DNAH17: variants seen among roughly 807,000 people sequenced by gnomAD.
The protein encoded by DNAH17 is dynein axonemal heavy chain 17.
In DNAH17, 376 loss-of-function variants were observed where a neutral mutation model predicts 485.6. The ratio of observed to expected loss-of-function variants is 0.77; its 90% CI spans 0.71 to 0.84. The LOEUF (loss-of-function observed/expected upper bound fraction) is 0.84, where lower values mean the gene tolerates loss of function less well. Among genes scored for constraint, DNAH17 ranks in the 40% least tolerant of loss-of-function variants. DNAH17 has a pLI of 0.00. For missense variants in DNAH17, 6,370 were observed against 5,839.3 expected (o/e 1.09, Z -2.96); for synonymous variants, 3,031 against 2,405.9 (o/e 1.26, Z -7.60).
chr17:78,499,944 A>C, intron 36 of DNAH17: 1 of 194,010 alleles, frequency 5.2e-6, no homozygotes. Context: ...CTCCCCTCCC[A>C]AACCCACCTG....
intron 27 of DNAH17, among the ~76,000 whole-genome samples, chr17:78,508,439 T>C (rs1190990400): frequency 1.3e-5 from 2 of 152,232 alleles, no homozygotes. Context: ...AGTACTTAAG[T>C]GTTCAACTCT....
chr17:78,486,234 A>C lies in DNAH17; in HGVS notation c.7091T>G (p.Phe2364Cys). 1 of 1,589,246 alleles carries C rather than the reference A, an allele frequency of 6.3e-7. No individual in the cohort carries two copies. Among genetic ancestry groups the C allele is most frequent in the Non-Finnish European group, 8.6e-7 (1 of 1,164,822 alleles). The change falls in exon 45 of 81, where the codon TTC becomes TGC. Residue 2364 changes from phenylalanine (F) to cysteine (C), a missense_variant. Physicochemically the swap from Phe to Cys is radical, Grantham distance 205. Coordinates refer to ENST00000389840, the MANE Select transcript of DNAH17 (RefSeq NM_173628.4). ...CCCCAGGTGCATCACCTGGTCCTGG[A>C]ACATGGCGCCACCGAAGGCCCAGAA... Reference protein sequence around the residue: ...TCFWAFGGAMFQDQLVDYRVE... With the variant: ...TCFWAFGGAMCQDQLVDYRVE...
intron 15 of DNAH17, among the ~76,000 whole-genome samples, chr17:78,551,853 C>T (rs766273194): frequency 2.2e-4 from 34 of 151,860 alleles, no homozygotes; most frequent in Non-Finnish European, 4.1e-4. Flanking sequence ...ATCCCAGCTA[C>T]TCGGGAGGCT....
intron 75 of DNAH17, among the ~76,000 whole-genome samples, chr17:78,431,399 C>T (rs572377277): frequency 1.4e-5 from 2 of 147,630 alleles, no homozygotes; most frequent in African/African-American, 2.5e-5. Context: ...TTGCTTCCCG[C>T]AGGGGGTGGG....
rs375968356 is a variant in DNAH17, at chr17:78,426,464, C to T, written c.12908G>A (p.Arg4303His). The T allele has an allele frequency of 3.9e-5, 63 of 1,599,636 alleles. No homozygotes were observed. The highest frequency in any genetic ancestry group is 1.7e-4 in the Middle Eastern group (1 of 5,994). ...LAAWYADLLLRIRELEAWTTD... is the reference protein window; with the variant it reads ...LAAWYADLLLHIRELEAWTTD... ...AGAGAAAACGGCACTTACCCTGATG[C>T]GGAGCAGCAGGTCTGCGTACCAGGC... Residue 4303 changes from arginine to histidine, a missense_variant, in exon 79 of 81, where the codon CGC becomes CAC. By Grantham distance (29) the Arg-to-His change is conservative. Transcript: ENST00000389840.
chr17:78,491,002 C>T (rs1434766921), intron 43 of DNAH17, among the ~76,000 whole-genome samples, 155 bp from the exon 44 acceptor site: 1 of 152,186 alleles, frequency 6.6e-6, no homozygotes, highest in Non-Finnish European at 1.5e-5. Context: ...GTCCCTTGGC[C>T]CAGGGCTTCT....
In DNAH17 at chr17:78,502,910, C is replaced by G; in HGVS notation, c.5058G>C (p.Gln1686His). The change falls in exon 32 of 81, where the codon CAG becomes CAC. Residue 1686 changes from glutamine to histidine, a missense_variant. Transcript: ENST00000389840. ...VVTYEEKPRE[Q>H]WILDYPAQVA... is the part of the protein sequence containing the mutation. Reference sequence around the variant, plus strand: ...CCTGGGCTGGGTAGTCCAGGATCCACTGCTCCCTCGGCTTCTCTTCGTAGG... The same window carrying G: ...CCTGGGCTGGGTAGTCCAGGATCCAGTGCTCCCTCGGCTTCTCTTCGTAGG... 6.2e-7 allele frequency: 1 copy of G among 1,614,024 alleles called. No individual in the cohort carries two copies. The highest frequency in any genetic ancestry group is 1.1e-5 in the South Asian group (1 of 91,078).
chr17:78,565,965 CA>C (rs113552234), intron 11 of DNAH17, among the ~76,000 whole-genome samples: 1 of 150,356 alleles, frequency 6.7e-6, no homozygotes, highest in South Asian at 2.1e-4. Flanking sequence ...AACAAACAAA[CA>C]ACAAAAACAA....
intron 16 of DNAH17, among the ~76,000 whole-genome samples, chr17:78,550,233 C>G (rs763496205): frequency 1.6e-5 from 2 of 128,814 alleles, no homozygotes; most frequent in African/African-American, 3.0e-5. Context: ...AGGAGGCACA[C>G]GTCTGGACAC....
rs1598485904 is a variant in DNAH17 at position 78,459,916 on chromosome 17, G to A, written c.9521C>T (p.Pro3174Leu). Residue 3174 changes from proline to leucine, a missense_variant, in exon 60 of 81, where the codon CCT becomes CTT. Physicochemically the swap from Pro to Leu is moderately conservative, Grantham distance 98 (BLOSUM62 -3). Coordinates refer to ENST00000389840, the MANE Select transcript of DNAH17 (RefSeq NM_173628.4). The stretch of plus-strand genomic sequence containing the variant: ...CTTGTCCTTGGGGATCTTGCCCCCA[G>A]GTGCGGTCAGAATCATGACGGCGGC... Reference protein sequence around the residue: ...VTAAVMILTAPGGKIPKDKSW... With the variant: ...VTAAVMILTALGGKIPKDKSW... 4 of 1,614,022 alleles carry A rather than the reference G, an allele frequency of 2.5e-6. No individual in the cohort carries two copies. The African/African-American group carries it at 4.0e-5, about 16-fold the overall frequency.
intron 26 of DNAH17, chr17:78,510,751 G>GGCCC (rs1555679580): frequency 1.1e-5 from 4 of 378,392 alleles, no homozygotes; most frequent in Non-Finnish European, 2.0e-5. Context: ...CGGAATTGCG[G>GGCCC]CCCCCCCGCA....
intron 20 of DNAH17, among the ~76,000 whole-genome samples, chr17:78,531,366 G>A (rs1389489723): frequency 1.4e-5 from 2 of 138,502 alleles, no homozygotes; most frequent in East Asian, 4.1e-4. Context: ...TTGAGATGGA[G>A]TCTTGCTCTG....
At chr17:78,554,257 T>G (rs1025332990) in intron 14 of DNAH17, among the ~76,000 whole-genome samples, 1 of 151,904 alleles carries the variant, frequency 6.6e-6, no homozygotes, top group Non-Finnish European at 1.5e-5. Context: ...CTGGCCAACA[T>G]GGTGAAATCT....
chr17:78,454,107 G>A (rs192857763), intron 64 of DNAH17, among the ~76,000 whole-genome samples: 30 of 152,272 alleles, frequency 2.0e-4, no homozygotes, highest in Admixed American at 4.6e-4. Context: ...GGGCATCACT[G>A]TACCTGTGTC....
At chr17:78,536,125 C>G (rs1415804673) in intron 19 of DNAH17, among the ~76,000 whole-genome samples, 1 of 151,974 alleles carries the variant, frequency 6.6e-6, no homozygotes, top group Non-Finnish European at 1.5e-5. Context: ...TGCCTGAGTA[C>G]TGGGAGAATC....
chr17:78,573,840 G>A (rs117881061), intron 2 of DNAH17, among the ~76,000 whole-genome samples: 14 of 152,180 alleles, frequency 9.2e-5, no homozygotes, highest in East Asian at 1.9e-4. Flanking sequence ...GTGTACAAGC[G>A]AAGCACACAG....
intron 26 of DNAH17, among the ~76,000 whole-genome samples, chr17:78,513,621 G>A (rs923623953): frequency 1.5e-4 from 23 of 151,980 alleles, no homozygotes; most frequent in African/African-American, 4.8e-4. Context: ...TTTTTAGCAG[G>A]GATGGGGTTT....
At chr17:78,565,982 A>C (rs1470025431) in intron 11 of DNAH17, among the ~76,000 whole-genome samples, 1 of 151,952 alleles carries the variant, frequency 6.6e-6, no homozygotes, top group Non-Finnish European at 1.5e-5. Flanking sequence ...AACAAAACAA[A>C]ACAAAAAACA....
chr17:78,537,619 CTCAGCGCACCCCGCTCCT>C (rs1888487872), intron 18 of DNAH17, 138 bp from the exon 19 acceptor site: 5 of 1,034,974 alleles, frequency 4.8e-6, no homozygotes, highest in African/African-American at 4.8e-5. Flanking sequence ...GAGCTCGTGT[CTCAGCGCACCCCGCTCCT>C]TGAGCAATCG....
Sources: allele counts gnomAD v4.1 joint callset (sites outside exome capture counted in the v4.1 genomes callset), GRCh38; gene constraint gnomAD v4.1.1; transcripts MANE v1.5; gene names NCBI Gene and HGNC (gene_info 2026-07-23, HGNC 2026-07-21).